Variants in COL18A1 observed in about 807,000 individuals in gnomAD.
The protein encoded by COL18A1 is collagen type XVIII alpha 1 chain.
In COL18A1, 133 loss-of-function variants were observed where a neutral mutation model predicts 168.0. The observed-to-expected ratio is 0.79, with a 90% CI of 0.69 to 0.91. The LOEUF (loss-of-function observed/expected upper bound fraction) is 0.91, where lower values mean the gene tolerates loss of function less well. Ranked by LOEUF, COL18A1 falls within the 40% of genes least tolerant of loss-of-function variation. COL18A1 has a pLI of 0.00. For synonymous variants in COL18A1, 949 were observed against 809.0 expected (o/e 1.17, Z -2.94); for missense variants, 2,126 against 1,925.4 (o/e 1.10, Z -1.95).
At chr21:45,480,410 T>C (rs189435755) in intron 11 of COL18A1, 57 bp from the exon 12 acceptor site, 1 of 1,613,034 alleles carries the variant, frequency 6.2e-7, no homozygotes, top group Non-Finnish European at 8.5e-7. Flanking sequence ...GGGCCAGGAG[T>C]AGGCCAGGCG....
Position 45,480,761 on chromosome 21 carries a change from C to T in COL18A1, c.1514C>T (p.Pro505Leu), listed in dbSNP as rs1394823968. The T allele has an allele frequency of 6.2e-7, 1 of 1,611,228 alleles. No individual in the cohort carries two copies. Among genetic ancestry groups the T allele is most frequent in the East Asian group, 2.2e-5 (1 of 44,868 alleles). ...PPGVPGLPGE[P>L]GRFGVNSSDV... ...GGTGTCCCAGGCCTGCCCGGCGAGC[C>T]AGGCCGCTTTGGGGTGAACAGCTCC... Residue 505 changes from proline (P) to leucine (L), a missense_variant, in exon 13 of 42, where the codon CCA (proline) becomes CTA (leucine). Transcript: ENST00000651438.
At chr21:45,421,395 C>T (rs1392149932) in intron 2 of COL18A1, 2 of 533,626 alleles carry the variant, frequency 3.7e-6, no homozygotes, top group Admixed American at 1.9e-5. Context: ...CACTGCGGTG[C>T]CTGGAGAGCC....
At chr21:45,435,516 G>A (rs2034074676) in intron 2 of COL18A1, among the ~76,000 whole-genome samples, 1 of 152,106 alleles carries the variant, frequency 6.6e-6, no homozygotes, top group African/African-American at 2.4e-5. Context: ...TGACCCTGGG[G>A]GCTGGGGAGC....
chr21:45,480,897 C>T (rs1225941347), intron 13 of COL18A1, 39 bp downstream of exon 13: 1 of 1,583,510 alleles, frequency 6.3e-7, no homozygotes, highest in Non-Finnish European at 8.6e-7. Flanking sequence ...GGAGCCCTGT[C>T]TGCTGGGAGT....
At chr21:45,467,983 C>T (rs1030085373) in intron 2 of COL18A1, among the ~76,000 whole-genome samples, 2 of 152,234 alleles carry the variant, frequency 1.3e-5, no homozygotes, top group Admixed American at 1.3e-4. Context: ...CCCGTGCAGA[C>T]ACCATGTCTC....
intron 2 of COL18A1, among the ~76,000 whole-genome samples, chr21:45,430,841 C>T (rs1021363586): frequency 1.3e-5 from 2 of 152,198 alleles, no homozygotes; most frequent in Non-Finnish European, 2.9e-5. Flanking sequence ...TCACGAGGCT[C>T]TGCCGGCCGT....
Position 45,505,433 on chromosome 21 carries a change from TA to T in COL18A1, c.3087+4del. 1 of 1,528,246 alleles carries T rather than the reference TA, an allele frequency of 6.5e-7. No homozygotes were observed. The highest frequency in any genetic ancestry group is 9.0e-7 in the Non-Finnish European group (1 of 1,115,456). The allele number at this position is 1,528,246 out of a possible 1,614,324, so 94.7% of individuals were successfully genotyped here. ...GGAACCATGGGCGCCTCCTCAGGGG[TA>T]AGTGTCTGGGCAGCCGGCTGGGCAC... On this transcript the variant is annotated splice_donor_region_variant and intron_variant, in intron 36 of 41. Transcript: ENST00000651438.
At chr21:45,467,113 C>CA (rs1029752235) in intron 2 of COL18A1, 2 of 557,996 alleles carry the variant, frequency 3.6e-6, no homozygotes, top group Non-Finnish European at 4.6e-6. Context: ...ACTGTGGCTG[C>CA]AAAGCCCGGG....
At chr21:45,472,078 G>T (rs1468897162) in intron 3 of COL18A1, among the ~76,000 whole-genome samples, 2 of 152,168 alleles carry the variant, frequency 1.3e-5, no homozygotes, top group African/African-American at 4.8e-5. Context: ...GCCACCTGTG[G>T]GGGGGTCAGG....
In COL18A1 at chr21:45,423,780, C is replaced by G. The variant is rs1438351255; in HGVS notation, c.106+18307C>G. ...GTGCATTGCCCATACCGGGTGGAGG[C>G]AGTTCCGTCCTGCAGACTCCGTGGT... On this transcript the variant is annotated intron_variant, in intron 2 of 41. Transcript: ENST00000651438. This position sits in a 1 kb window ranked among gnomAD's most constrained non-coding sequence, Gnocchi z 4.0. 1.3e-5 allele frequency: 2 copies of G among 152,334 alleles called. No individual in the cohort carries two copies. Among genetic ancestry groups the G allele is most frequent in the East Asian group, 1.9e-4 (1 of 5,198 alleles). The allele number at this position is 152,334 out of a possible 1,614,324, so 9.4% of individuals were successfully genotyped here.
intron 3 of COL18A1, among the ~76,000 whole-genome samples, chr21:45,472,505 C>T (rs2035476082): frequency 6.6e-6 from 1 of 152,156 alleles, no homozygotes; most frequent in South Asian, 2.1e-4. Context: ...GCCACTGCGC[C>T]CGGCCGAAGC....
chr21:45,443,829 T>G lies in COL18A1; in HGVS notation c.107-24413T>G, dbSNP rs2034445228. On this transcript the variant is annotated intron_variant, in intron 2 of 41. Coordinates refer to ENST00000651438, the MANE Select transcript of COL18A1 (RefSeq NM_001379500.1). The surrounding 1 kb of genome is among the most constrained non-coding windows in gnomAD (Gnocchi z 5.2). ...GCTGAGCTGCAGCACTAAGGAGAGA[T>G]GCCTGCTGCATGATCCCCTAGATGC... 6.6e-6 allele frequency among the ~76,000 whole-genome samples: 1 copy of G among 152,192 alleles called. No individual in the cohort carries two copies. The highest frequency in any genetic ancestry group is 1.5e-5 in the Non-Finnish European group (1 of 68,030).
At chr21:45,487,045 C>G in intron 16 of COL18A1, 53 bp downstream of exon 16, 1 of 1,461,750 alleles carries the variant, frequency 6.8e-7, no homozygotes, top group Non-Finnish European at 9.0e-7. Context: ...GCCGTTGCCC[C>G]AGCCCTACTA....
intron 2 of COL18A1, among the ~76,000 whole-genome samples, chr21:45,435,787 G>A (rs954302154): frequency 2.0e-5 from 3 of 152,272 alleles, no homozygotes; most frequent in South Asian, 2.1e-4. Flanking sequence ...TCCCCCCGGC[G>A]CTCCCTGGCA....
intron 2 of COL18A1, among the ~76,000 whole-genome samples, chr21:45,458,661 C>A (rs1267777892): frequency 6.6e-6 from 1 of 152,132 alleles, no homozygotes; most frequent in Non-Finnish European, 1.5e-5. Flanking sequence ...GACCCGGGTC[C>A]GGTGTCCTGG....
At chr21:45,501,052 T>G (rs1431950535) in intron 32 of COL18A1, among the ~76,000 whole-genome samples, 19 of 48,106 alleles carry the variant, frequency 3.9e-4, no homozygotes, top group East Asian at 1.7e-3. Context: ...GTTGGGTGTG[T>G]AGTGTGGGGG....
chr21:45,418,446 T>C (rs1307463833), intron 2 of COL18A1, among the ~76,000 whole-genome samples: 1 of 152,202 alleles, frequency 6.6e-6, no homozygotes, highest in East Asian at 1.9e-4. Flanking sequence ...TGGCAGGAGC[T>C]GGTGGCCTGG....
Position 45,505,020 on chromosome 21 carries a change from G to A in COL18A1, c.2869-114G>A, listed in dbSNP as rs1385870728. Reference sequence around the variant, plus strand: ...TGGCGTGGGCAGGGAGGGGACCGGTGACTCAGAGGCTGCGCTCGCCAAGGG... The same window carrying A: ...TGGCGTGGGCAGGGAGGGGACCGGTAACTCAGAGGCTGCGCTCGCCAAGGG... On this transcript the variant is annotated intron_variant, in intron 34 of 41. Transcript: ENST00000651438. The A allele has an allele frequency of 8.1e-6, 11 of 1,364,604 alleles. 1 individual carries two copies. The South Asian group carries it at 1.1e-4, about 14-fold the overall frequency. The allele number at this position is 1,364,604 out of a possible 1,614,324, so 84.5% of individuals were successfully genotyped here.
At chr21:45,478,414 C>T in intron 9 of COL18A1, 61 bp downstream of exon 9, 1 of 1,610,552 alleles carries the variant, frequency 6.2e-7, no homozygotes, top group Non-Finnish European at 8.5e-7. Context: ...GACCCCAGGG[C>T]TTTGTTGCCA....
Sources: gnomAD v4.1 joint callset for allele counts (sites outside exome capture counted in the v4.1 genomes callset) on GRCh38, gnomAD v4.1.1 for gene constraint, Gnocchi (gnomAD v3.1) non-coding constraint, MANE v1.5 for transcripts, NCBI Gene and HGNC (gene_info 2026-07-23, HGNC 2026-07-21) for gene names.